FOXN1: variants seen among roughly 807,000 people sequenced by gnomAD.
FOXN1 encodes forkhead box protein N1.
Under a neutral mutation model 49.0 loss-of-function variants are expected in FOXN1, and 15 were observed. The observed-to-expected ratio is 0.31, with a 90% CI of 0.20 to 0.47. FOXN1 has a LOEUF of 0.47. FOXN1 is among the 20% of genes least tolerant of loss of function. FOXN1 has a pLI of 1.00. For synonymous variants in FOXN1, 356 were observed against 369.0 expected (o/e 0.96, Z 0.40); for missense variants, 800 against 842.8 (o/e 0.95, Z 0.63).
chr17:28,521,956 G>A (rs1301185532), intron 1 of FOXN1, among the ~76,000 whole-genome samples: 1 of 152,228 alleles, frequency 6.6e-6, no homozygotes, highest in Non-Finnish European at 1.5e-5. Flanking sequence ...GGGGGTCTTG[G>A]GTAGAAGGAG....
chr17:28,532,842 G>T (rs2069945758), intron 6 of FOXN1, among the ~76,000 whole-genome samples: 1 of 152,326 alleles, frequency 6.6e-6, no homozygotes, highest in East Asian at 1.9e-4. Context: ...GGGCTGCCCT[G>T]GCATCCCAAA....
In FOXN1 at chr17:28,527,291, G is replaced by C; in HGVS notation, c.629G>C (p.Gly210Ala). The change falls in exon 4 of 9, where the codon GGT (glycine) becomes GCT (alanine). Residue 210 changes from glycine (G) to alanine (A), a missense_variant. By Grantham distance (60) the Gly-to-Ala change is moderately conservative (BLOSUM62 0). This residue lies in a region of FOXN1 where 383 missense variants were observed against 357.9 expected (regional missense o/e 1.07). Coordinates refer to ENST00000579795, the MANE Select transcript of FOXN1 (RefSeq NM_001369369.1). ...GTCAAGCCCCCAGTTCTGGAGAGTGGTGCTGGGATGTTCTGCTACCAGCCT... is the reference window on the plus strand; with the variant it reads ...GTCAAGCCCCCAGTTCTGGAGAGTGCTGCTGGGATGTTCTGCTACCAGCCT... Reference protein sequence around the residue: ...VKVKPPVLESGAGMFCYQPPL... With the variant: ...VKVKPPVLESAAGMFCYQPPL... 6.8e-6 allele frequency: 11 copies of C among 1,614,094 alleles called. No individual in the cohort carries two copies. The highest frequency in any genetic ancestry group is 9.3e-6 in the Non-Finnish European group (11 of 1,179,970).
At chr17:28,536,713 T>C (rs1025324799) in intron 8 of FOXN1, among the ~76,000 whole-genome samples, 9 of 152,028 alleles carry the variant, frequency 5.9e-5, no homozygotes, top group African/African-American at 2.2e-4. Flanking sequence ...TCCATCCCAT[T>C]AGGTCCAGAG....
At position 28,537,609 on chromosome 17, in the gene FOXN1, G is replaced by A. The variant is rs561401421; in HGVS notation, c.*173G>A. On this transcript the variant is annotated 3_prime_UTR_variant, in exon 9 of 9. Transcript: ENST00000579795. ...GGGGGCGCAGAGGACATCACCTGGG[G>A]TGCTGCCTCTCACACATTTCTGCCA... 9 of 663,582 alleles carry A rather than the reference G, an allele frequency of 1.4e-5. No homozygotes were observed. The African/African-American group carries it at 1.6e-4, about 12-fold the overall frequency. The allele number at this position is 663,582 out of a possible 1,614,324, so 41.1% of individuals were successfully genotyped here.
chr17:28,519,303 C>T (rs1279358493), intron 1 of FOXN1, among the ~76,000 whole-genome samples: 1 of 151,902 alleles, frequency 6.6e-6, no homozygotes, highest in Non-Finnish European at 1.5e-5. Context: ...TGCACTCCAG[C>T]CTGGGCGACA....
At chr17:28,525,510 T>C (rs1448809317) in intron 3 of FOXN1, among the ~76,000 whole-genome samples, 1 of 152,184 alleles carries the variant, frequency 6.6e-6, no homozygotes, top group Non-Finnish European at 1.5e-5. Flanking sequence ...CTGACCTCCA[T>C]AAGCGGCGTG....
Position 28,534,440 on chromosome 17 carries a change from G to A in FOXN1, c.1037G>A (p.Trp346Ter). The A allele has an allele frequency of 6.2e-7, 1 of 1,614,184 alleles. No individual in the cohort carries two copies. Among genetic ancestry groups the A allele is most frequent in the Non-Finnish European group, 8.5e-7 (1 of 1,180,012 alleles). Residue 346 changes from tryptophan (W) to a stop codon, truncating the protein, a stop_gained, in exon 7 of 9, where the codon TGG (tryptophan) becomes TAG (stop). Transcript: ENST00000579795. LOFTEE classifies it high-confidence loss of function. The surrounding 1 kb of genome is among the most constrained non-coding windows in gnomAD (Gnocchi z 4.1). ...SGSSSRKGCL[W>*]ALNPAKIDKM... ...AGTTCCTCCCGCAAGGGCTGCCTGT[G>A]GGCCCTCAATCCGGCCAAGATCGAC...
In FOXN1 at chr17:28,524,839, C is replaced by A; in HGVS notation, c.460C>A (p.Pro154Thr). ...LKGHSFKTPG[P>T]LEAFEEIPVD... ...AGGACACTCCTTTAAGACCCCAGGG[C>A]CGCTGGAGGCCTTCGAGGAGATCCC... is the stretch of plus-strand genomic sequence containing the variant. The change falls in exon 3 of 9, where the codon CCG becomes ACG. Residue 154 changes from proline (P) to threonine (T), a missense_variant. Around this residue, in one of 3 missense-constraint regions of FOXN1, gnomAD observed 383 missense variants for 357.9 expected, o/e 1.07. Transcript: ENST00000579795. 6.2e-7 allele frequency: 1 copy of A among 1,613,786 alleles called. No homozygotes were observed. Among genetic ancestry groups the A allele is most frequent in the Non-Finnish European group, 8.5e-7 (1 of 1,180,002 alleles).
intron 1 of FOXN1, among the ~76,000 whole-genome samples, chr17:28,516,822 A>ATACACACCTCCACAGGG (rs2069516623): frequency 3.2e-5 from 2 of 61,620 alleles, no homozygotes; most frequent in South Asian, 1.2e-3. Context: ...CCTCCACAGG[A>ATACACACCTCCACAGGG]TACACACCTC....
intron 5 of FOXN1, among the ~76,000 whole-genome samples, chr17:28,530,002 T>C (rs542670816): frequency 1.0e-3 from 149 of 146,192 alleles, no homozygotes; most frequent in African/African-American, 3.6e-3. Context: ...TGAGCCTCTA[T>C]TTATTCCTCT....
At chr17:28,522,971 A>T (rs1032332365) in intron 1 of FOXN1, among the ~76,000 whole-genome samples, 1 of 152,198 alleles carries the variant, frequency 6.6e-6, no homozygotes, top group African/African-American at 2.4e-5. Flanking sequence ...CACTCACAAC[A>T]TCTGTGTGAG....
At chr17:28,518,686 G>A (rs1383356285) in intron 1 of FOXN1, among the ~76,000 whole-genome samples, 8 of 152,178 alleles carry the variant, frequency 5.3e-5, no homozygotes, top group South Asian at 4.1e-4. Flanking sequence ...CATGGCAGGC[G>A]GAAGGTGGCC....
At chr17:28,514,612 C>A (rs1023889937) in intron 1 of FOXN1, among the ~76,000 whole-genome samples, 1 of 152,144 alleles carries the variant, frequency 6.6e-6, no homozygotes, top group Non-Finnish European at 1.5e-5. Context: ...CGGGTGGAGC[C>A]CTGGGTGGGG....
chr17:28,521,537 G>A (rs117102866), intron 1 of FOXN1, among the ~76,000 whole-genome samples: 201 of 152,372 alleles, frequency 1.3e-3, no homozygotes, highest in Admixed American at 4.7e-3. Flanking sequence ...CGGGCCCCAT[G>A]CCTGCTCCGC....
intron 6 of FOXN1, among the ~76,000 whole-genome samples, chr17:28,531,801 C>G (rs2151494775): frequency 6.6e-6 from 1 of 152,286 alleles, no homozygotes; most frequent in African/African-American, 2.4e-5. Context: ...TTCCTGCCCC[C>G]ACCATCTATG....
chr17:28,517,618 C>G (rs75916904), intron 1 of FOXN1, among the ~76,000 whole-genome samples: 1 of 123,194 alleles, frequency 8.1e-6, no homozygotes, highest in Non-Finnish European at 1.7e-5. Context: ...ATCCATACCT[C>G]CACAGGGTAC....
chr17:28,510,814 G>A (rs949920997), intron 1 of FOXN1, among the ~76,000 whole-genome samples: 2 of 152,196 alleles, frequency 1.3e-5, no homozygotes, highest in African/African-American at 2.4e-5. Flanking sequence ...GTGCCTTCCC[G>A]CAAGCGTGGT....
At chr17:28,510,275 TACACACAGAGACACAC>T (rs1221437401) in intron 1 of FOXN1, among the ~76,000 whole-genome samples, 20 of 151,210 alleles carry the variant, frequency 1.3e-4, no homozygotes, top group East Asian at 5.8e-4. Context: ...GAGACACACA[TACACACAGAGACACAC>T]ACACACAGAG....
Position 28,535,035 on chromosome 17 carries a change from C to A in FOXN1, c.1464C>A (p.Pro488=). The change falls in exon 8 of 9, where the codon CCC becomes CCA. Residue 488 remains proline (P), a synonymous_variant. Coordinates refer to ENST00000579795, the MANE Select transcript of FOXN1 (RefSeq NM_001369369.1). ...AGCTGCGGGCCCAGCCAGGCACCCC[C>A]CAGGACTCGCCTCTGCCTGCCCACA... ...HLELRAQPGT[P]QDSPLPAHTP... is the part of the protein sequence containing the mutation. The A allele has an allele frequency of 6.2e-7, 1 of 1,613,032 alleles. No individual in the cohort carries two copies.
Sources: gnomAD v4.1 joint callset for allele counts (sites outside exome capture counted in the v4.1 genomes callset) on GRCh38, gnomAD v4.1.1 for gene constraint, gnomAD v4.1.1 regional missense constraint, Gnocchi (gnomAD v3.1) non-coding constraint, MANE v1.5 for transcripts, NCBI Gene and HGNC (gene_info 2026-07-23, HGNC 2026-07-21) for gene names.